PTPRN2: variants seen among roughly 807,000 people sequenced by gnomAD.
PTPRN2 encodes receptor-type tyrosine-protein phosphatase N2.
In PTPRN2, 74 loss-of-function variants were observed where a neutral mutation model predicts 118.8. The observed-to-expected ratio is 0.62, with a 90% CI of 0.52 to 0.76. The LOEUF (loss-of-function observed/expected upper bound fraction) is 0.76, where lower values mean the gene tolerates loss of function less well. Ranked by LOEUF, PTPRN2 falls within the 30% of genes least tolerant of loss-of-function variation. PTPRN2 has a pLI of 0.00. For missense variants in PTPRN2, 1,481 were observed against 1,394.4 expected (o/e 1.06, Z -0.99); for synonymous variants, 641 against 608.0 (o/e 1.05, Z -0.80).
Position 157,849,447 on chromosome 7 carries a change from C to T in PTPRN2, c.1788+49226G>A, listed in dbSNP as rs552921393. 2.0e-5 allele frequency among the ~76,000 whole-genome samples: 3 copies of T among 152,322 alleles called. No homozygotes were observed. In the South Asian group the frequency reaches 6.2e-4, roughly 32 times the overall value. The stretch of plus-strand genomic sequence containing the variant: ...AAGGTCTCCCAGGTCCCTGAGCCAC[C>T]GTTCCTCTGACTGCTTGTACCCTTC... On this transcript the variant is annotated intron_variant, in intron 12 of 22. Transcript: ENST00000389418.
chr7:158,150,307 C>G (rs1038739283), intron 6 of PTPRN2, among the ~76,000 whole-genome samples: 3 of 152,212 alleles, frequency 2.0e-5, no homozygotes, highest in African/African-American at 7.2e-5. Flanking sequence ...CTAACGTAAC[C>G]AGAACATTCA....
chr7:158,081,196 T>C (rs1021752782), intron 11 of PTPRN2, 102 bp downstream of exon 11: 3 of 1,194,834 alleles, frequency 2.5e-6, no homozygotes, highest in South Asian at 2.5e-5. Flanking sequence ...ATGTGGGTAG[T>C]GTGAGTCTCT....
chr7:157,915,992 GT>G (rs1281680685), intron 11 of PTPRN2, among the ~76,000 whole-genome samples: 1 of 152,100 alleles, frequency 6.6e-6, no homozygotes, highest in Admixed American at 6.5e-5. Flanking sequence ...TTTAATTCAG[GT>G]TTGGGCAAAA....
chr7:158,493,984 A>T (rs1339407635), intron 1 of PTPRN2, among the ~76,000 whole-genome samples: 2 of 152,242 alleles, frequency 1.3e-5, no homozygotes, highest in African/African-American at 4.8e-5. Flanking sequence ...GTGTCCTCAG[A>T]ACTCTAAGCA....
At chr7:157,678,854 G>C (rs1270089054) in intron 13 of PTPRN2, among the ~76,000 whole-genome samples, 2 of 152,150 alleles carry the variant, frequency 1.3e-5, no homozygotes, top group Admixed American at 1.3e-4. Flanking sequence ...TAAACTTGCT[G>C]CTCAAAGATG....
chr7:158,336,996 C>G (rs1162490572), intron 2 of PTPRN2, among the ~76,000 whole-genome samples: 1 of 75,788 alleles, frequency 1.3e-5, no homozygotes, highest in African/African-American at 3.9e-5. Flanking sequence ...AGACGTCACT[C>G]ACACCCACAC....
intron 14 of PTPRN2, among the ~76,000 whole-genome samples, chr7:157,637,136 C>T (rs539759374): frequency 1.2e-4 from 18 of 152,260 alleles, no homozygotes; most frequent in African/African-American, 3.9e-4. Context: ...ACTCTAGCTT[C>T]GAACATATCC....
chr7:158,313,963 T>C (rs1802083181), intron 3 of PTPRN2, among the ~76,000 whole-genome samples: 1 of 152,162 alleles, frequency 6.6e-6, no homozygotes, highest in Admixed American at 6.5e-5. Context: ...GCTGAGAGTC[T>C]TGTGCATTCT....
At chr7:158,488,407 C>T (rs932231025) in intron 2 of PTPRN2, among the ~76,000 whole-genome samples, 1 of 152,216 alleles carries the variant, frequency 6.6e-6, no homozygotes, top group African/African-American at 2.4e-5. Flanking sequence ...CGCTGAGGAC[C>T]TGCTCTCCTC....
intron 2 of PTPRN2, among the ~76,000 whole-genome samples, chr7:158,432,658 C>T (rs894858672): frequency 6.6e-6 from 1 of 152,250 alleles, no homozygotes; most frequent in Non-Finnish European, 1.5e-5. Context: ...TGTTGAGATA[C>T]TATGCATTCC....
At position 157,933,838 on chromosome 7, in the gene PTPRN2, GAC is replaced by G. The variant is rs1799540955; in HGVS notation, c.1724-35103_1724-35102del. ...AGAGGAAGGGTGAGTCACTCTGATT[GAC>G]AGTTTTAGAGGAAGGATGAGTCACT... is the stretch of plus-strand genomic sequence containing the variant. On this transcript the variant is annotated intron_variant, in intron 11 of 22. Transcript: ENST00000389418. 1.7e-5 allele frequency among the ~76,000 whole-genome samples: 2 copies of G among 121,172 alleles called. 1 individual carries two copies. Among genetic ancestry groups the G allele is most frequent in the Non-Finnish European group, 3.9e-5 (2 of 51,110 alleles). 79.5% of individuals were successfully genotyped at this position (121,172 alleles called of 152,430 possible). A position where few individuals can be genotyped will look rare whatever the true frequency, so the allele number is the denominator to read the frequency against.
At chr7:157,697,051 AC>A (rs1224130502) in intron 12 of PTPRN2, among the ~76,000 whole-genome samples, 2 of 40,558 alleles carry the variant, frequency 4.9e-5, no homozygotes, top group African/African-American at 1.3e-4. Context: ...CTCACCATCT[AC>A]CCATGCATAC....
chr7:158,528,454 C>G (rs1824956518), intron 1 of PTPRN2, among the ~76,000 whole-genome samples: 1 of 152,138 alleles, frequency 6.6e-6, no homozygotes, highest in African/African-American at 2.4e-5. Context: ...CACTTGCTGT[C>G]TCAGACCTGT....
Position 158,316,717 on chromosome 7 carries a change from G to A in PTPRN2, c.277+102C>T, listed in dbSNP as rs1019138754. On this transcript the variant is annotated intron_variant, in intron 3 of 22. Coordinates refer to ENST00000389418, the MANE Select transcript of PTPRN2 (RefSeq NM_002847.5). ...CTGCCCCTTCCACCACCACACTCGT[G>A]GATTCAGTCCGTCCCAGCTCCTCAC... 10 of 834,012 alleles carry A rather than the reference G, an allele frequency of 1.2e-5. No homozygotes were observed. The African/African-American group carries it at 1.7e-4, about 14-fold the overall frequency. 51.7% of individuals were successfully genotyped at this position (834,012 alleles called of 1,614,324 possible). A position where few individuals can be genotyped will look rare whatever the true frequency, so the allele number is the denominator to read the frequency against.
At chr7:158,145,420 G>A (rs919395944) in intron 6 of PTPRN2, among the ~76,000 whole-genome samples, 3 of 152,226 alleles carry the variant, frequency 2.0e-5, no homozygotes, top group East Asian at 3.8e-4. Context: ...TACAGTGAGC[G>A]CCACACTCAA....
chr7:158,530,390 G>C (rs548041347), intron 1 of PTPRN2, among the ~76,000 whole-genome samples: 1 of 152,324 alleles, frequency 6.6e-6, no homozygotes, highest in Non-Finnish European at 1.5e-5. Flanking sequence ...AATTTGCGGA[G>C]GCTCTGCAGG....
At chr7:157,592,428 T>G (rs1274124460) in intron 17 of PTPRN2, among the ~76,000 whole-genome samples, 11 of 152,232 alleles carry the variant, frequency 7.2e-5, no homozygotes, top group Non-Finnish European at 1.3e-4. Flanking sequence ...GGCATCATCG[T>G]GGTCGTTGAG....
At chr7:158,083,346 T>C (rs1381885181) in intron 10 of PTPRN2, among the ~76,000 whole-genome samples, 2 of 152,174 alleles carry the variant, frequency 1.3e-5, no homozygotes, top group Non-Finnish European at 2.9e-5. Flanking sequence ...GCAGCACTCA[T>C]GTACCCCCGA....
intron 11 of PTPRN2, among the ~76,000 whole-genome samples, chr7:157,935,369 A>G (rs1162418291): frequency 6.6e-6 from 1 of 152,048 alleles, no homozygotes. Context: ...ATTTCTGTGC[A>G]TCTGTTCCAA....
Sources: gnomAD v4.1 joint callset for allele counts (sites outside exome capture counted in the v4.1 genomes callset) on GRCh38, gnomAD v4.1.1 for gene constraint, MANE v1.5 for transcripts, NCBI Gene and HGNC (gene_info 2026-07-23, HGNC 2026-07-21) for gene names.